Variants in SMIM20 observed in about 807,000 individuals in gnomAD.
SMIM20 encodes small integral membrane protein 20.
SMIM20 carries 3 observed loss-of-function variants against 8.7 expected under a neutral mutation model. The ratio of observed to expected loss-of-function variants is 0.34; its 90% confidence interval spans 0.16 to 0.89. The LOEUF (loss-of-function observed/expected upper bound fraction) is 0.89, where lower values mean the gene tolerates loss of function less well. SMIM20 is among the 40% of genes least tolerant of loss of function. The pLI is 0.49. For missense variants in SMIM20, 85 were observed against 84.8 expected (o/e 1.00, Z -0.01); for synonymous variants, 44 against 33.6 (o/e 1.31, Z -1.07).
At chr4:25,915,488 A>G (rs1430728432) in intron 1 of SMIM20, among the ~76,000 whole-genome samples, 1 of 152,232 alleles carries the variant, frequency 6.6e-6, no homozygotes, top group Non-Finnish European at 1.5e-5. Context: ...CAAATGTTGC[A>G]GCAGTCGATT....
intron 1 of SMIM20, among the ~76,000 whole-genome samples, chr4:25,919,558 G>A (rs369696074): frequency 4.6e-5 from 7 of 151,842 alleles, no homozygotes; most frequent in Admixed American, 2.0e-4. Context: ...ATGTTGCCCA[G>A]GCTGGTCTCA....
At chr4:25,925,622 T>C (rs1450065769) in intron 1 of SMIM20, among the ~76,000 whole-genome samples, 1 of 152,148 alleles carries the variant, frequency 6.6e-6, no homozygotes, top group Non-Finnish European at 1.5e-5. Context: ...CATTTGCTTT[T>C]TTATTTTAGG....
chr4:25,914,274 C>A lies in SMIM20; in HGVS notation c.-40C>A. On this transcript the variant is annotated 5_prime_UTR_variant, in exon 1 of 3. Transcript: ENST00000506197. ...TCGGTAACCTGGTTTCCGAGAGTGCCGGGCGGTCGGCGGGTCAGGGCAGCC... is the reference window on the plus strand; with the variant it reads ...TCGGTAACCTGGTTTCCGAGAGTGCAGGGCGGTCGGCGGGTCAGGGCAGCC... The A allele has an allele frequency of 6.5e-7, 1 of 1,531,122 alleles. No homozygotes were observed. 94.8% of individuals were successfully genotyped at this position (1,531,122 alleles called of 1,614,324 possible).
intron 2 of SMIM20, 139 bp from the exon 3 acceptor site, chr4:25,929,015 G>A (rs990497620): frequency 2.4e-5 from 24 of 989,126 alleles, no homozygotes; most frequent in Middle Eastern, 2.2e-4. Flanking sequence ...CCAAGGTTCC[G>A]GCAGCCTGCT....
chr4:25,914,249 T>C lies in SMIM20; in HGVS notation c.-65T>C. 1 of 1,513,836 alleles carries C rather than the reference T, an allele frequency of 6.6e-7. No homozygotes were observed. Among genetic ancestry groups the C allele is most frequent in the South Asian group, 1.2e-5 (1 of 81,082 alleles). The allele number at this position is 1,513,836 out of a possible 1,614,324, so 93.8% of individuals were successfully genotyped here. On this transcript the variant is annotated 5_prime_UTR_variant, in exon 1 of 3. Transcript: ENST00000506197. ...TCCGAGCGGGGTCACGGCCCGGCCG[T>C]CGGTAACCTGGTTTCCGAGAGTGCC...
chr4:25,920,868 G>C (rs1359562534), intron 1 of SMIM20, among the ~76,000 whole-genome samples: 1 of 152,206 alleles, frequency 6.6e-6, no homozygotes, highest in Non-Finnish European at 1.5e-5. Context: ...TACAGTACCA[G>C]GCTGTACAGG....
At chr4:25,919,590 C>T (rs963518839) in intron 1 of SMIM20, among the ~76,000 whole-genome samples, 10 of 152,170 alleles carry the variant, frequency 6.6e-5, no homozygotes, top group South Asian at 2.1e-4. Flanking sequence ...TCAGGCAATC[C>T]GGCTGTCTCA....
At chr4:25,927,831 A>G (rs1218494189) in intron 1 of SMIM20, among the ~76,000 whole-genome samples, 2 of 152,230 alleles carry the variant, frequency 1.3e-5, no homozygotes, top group Non-Finnish European at 1.5e-5. Flanking sequence ...CCACCCACCC[A>G]AAGATTAATT....
At chr4:25,917,982 G>A (rs1255123354) in intron 1 of SMIM20, among the ~76,000 whole-genome samples, 6 of 130,990 alleles carry the variant, frequency 4.6e-5, no homozygotes, top group Admixed American at 9.2e-5. Flanking sequence ...TCGCTCTTTC[G>A]CCCAGGCTGG....
At chr4:25,914,821 T>C (rs917586239) in intron 1 of SMIM20, among the ~76,000 whole-genome samples, 7 of 152,224 alleles carry the variant, frequency 4.6e-5, no homozygotes, top group African/African-American at 1.2e-4. Flanking sequence ...GAAGTATATA[T>C]GTAAAACATG....
chr4:25,925,641 T>A (rs1719278453), intron 1 of SMIM20, among the ~76,000 whole-genome samples: 1 of 152,206 alleles, frequency 6.6e-6, no homozygotes, highest in South Asian at 2.1e-4. Flanking sequence ...GGTTTCTGTC[T>A]GCTGGTCCTC....
intron 1 of SMIM20, among the ~76,000 whole-genome samples, chr4:25,922,058 G>A (rs1363290348): frequency 6.6e-6 from 1 of 152,224 alleles, no homozygotes; most frequent in African/African-American, 2.4e-5. Context: ...TTGGAAGTAG[G>A]CAGAAGGCAG....
rs565081458 is a variant in SMIM20 at position 25,918,193 on chromosome 4, C to T, written c.109+3771C>T. ...TCCTGACCTCGTGATCCGCCTGCCT[C>T]GGCCTCCCAAAGTGCTGGGATTACA... On this transcript the variant is annotated intron_variant, in intron 1 of 2. Coordinates refer to ENST00000506197, the MANE Select transcript of SMIM20 (RefSeq NM_001145432.3). Among the ~76,000 whole-genome samples, 32 of 152,190 alleles carry T rather than the reference C, an allele frequency of 2.1e-4. No individual in the cohort carries two copies. In the East Asian group the frequency reaches 5.3e-3, roughly 25 times the overall value.
chr4:25,921,288 C>T (rs1007448450), intron 1 of SMIM20, among the ~76,000 whole-genome samples: 2 of 152,088 alleles, frequency 1.3e-5, no homozygotes, highest in Non-Finnish European at 2.9e-5. Context: ...AATCCCAGCA[C>T]TTTGGGAAGC....
intron 1 of SMIM20, among the ~76,000 whole-genome samples, chr4:25,917,517 C>T (rs1387761503): frequency 1.3e-5 from 2 of 152,208 alleles, no homozygotes; most frequent in Admixed American, 6.5e-5. Flanking sequence ...TGTTCATGAT[C>T]AGGTCATGGA....
intron 1 of SMIM20, among the ~76,000 whole-genome samples, chr4:25,927,023 T>C (rs1432307609): frequency 2.6e-5 from 4 of 152,032 alleles, no homozygotes; most frequent in African/African-American, 9.7e-5. Context: ...TTTTGTGTTA[T>C]TTCAGAAAGT....
intron 1 of SMIM20, among the ~76,000 whole-genome samples, chr4:25,924,522 A>T (rs1719253512): frequency 6.6e-6 from 1 of 152,172 alleles, no homozygotes; most frequent in Non-Finnish European, 1.5e-5. Flanking sequence ...AAGATCCAAG[A>T]ACAGTGCAGT....
chr4:25,928,369 G>C lies in SMIM20; in HGVS notation c.166G>C (p.Gly56Arg). The C allele has an allele frequency of 1.9e-6, 3 of 1,548,152 alleles. No homozygotes were observed. Among genetic ancestry groups the C allele is most frequent in the Non-Finnish European group, 2.6e-6 (3 of 1,145,684 alleles). ...TGTTCAAGAGGATGTGCAGCCACCA[G>C]GTAAACTGAAAAAAAAAAATCAAAA... ...GIVQEDVQPP[G>R]LKVWSDPFGR... is the part of the protein sequence containing the mutation. Residue 56 changes from glycine to arginine, a missense_variant and splice_region_variant, in exon 2 of 3, where the codon GGG (glycine) becomes CGG (arginine). Coordinates refer to ENST00000506197, the MANE Select transcript of SMIM20 (RefSeq NM_001145432.3).
intron 1 of SMIM20, among the ~76,000 whole-genome samples, chr4:25,916,636 A>G (rs1719098195): frequency 6.6e-6 from 1 of 151,788 alleles, no homozygotes; most frequent in Admixed American, 6.6e-5. Flanking sequence ...GCTCACCGCA[A>G]CCTCTGCCTC....
Sources: gnomAD v4.1 joint callset for allele counts (sites outside exome capture counted in the v4.1 genomes callset) on GRCh38, gnomAD v4.1.1 for gene constraint, MANE v1.5 for transcripts, NCBI Gene and HGNC (gene_info 2026-07-23, HGNC 2026-07-21) for gene names.